Variants in ABCB1 observed in about 807,000 individuals in gnomAD.
ABCB1 encodes the protein ATP binding cassette subfamily B member 1.
A neutral mutation model predicts 142.0 loss-of-function variants in ABCB1; 69 were observed. The ratio of observed to expected loss-of-function variants is 0.49; its 90% CI spans 0.40 to 0.59. The LOEUF (loss-of-function observed/expected upper bound fraction) is 0.59, where lower values mean the gene tolerates loss of function less well. ABCB1 is among the 20% of genes least tolerant of loss of function. The pLI, the probability that ABCB1 is intolerant of heterozygous loss-of-function variation, is 0.00. For missense variants in ABCB1, 1,326 were observed against 1,554.7 expected, an observed-to-expected ratio of 0.85 and a Z score of 2.47; for synonymous variants, 532 against 539.2, an observed-to-expected ratio of 0.99 and a Z score of 0.18.
At chr7:87,657,314 A>G (rs893832242) in intron 1 of ABCB1, among the ~76,000 whole-genome samples, 50 of 152,192 alleles carry the variant, frequency 3.3e-4, no homozygotes, top group Admixed American at 3.1e-3. Flanking sequence ...CCTCTCCACA[A>G]GATACTATTC....
intron 11 of ABCB1, 29 bp downstream of exon 11, chr7:87,550,439 A>T (rs781646220): frequency 6.2e-7 from 1 of 1,605,112 alleles, no homozygotes; most frequent in Non-Finnish European, 8.5e-7. Flanking sequence ...TCAATAGATT[A>T]ATTGTTGATT....
intron 1 of ABCB1, among the ~76,000 whole-genome samples, chr7:87,689,260 A>T (rs1190203629): frequency 6.6e-6 from 1 of 152,112 alleles, no homozygotes; most frequent in African/African-American, 2.4e-5. Flanking sequence ...TCTAACAGAA[A>T]TTGATGATCT....
In ABCB1 at chr7:87,544,881, C is replaced by T. The variant is rs146703713; in HGVS notation, c.2006G>A (p.Arg669His). 7.7e-5 allele frequency: 124 copies of T among 1,613,972 alleles called. No homozygotes were observed. The African/African-American group carries it at 8.5e-4, about 11-fold the overall frequency. ...RSSLIRKRST[R>H]RSVRGSQAQD... ...GGCTTGTGATCCACGGACACTCCTACGAGTTGATCTTTTTCTTATTAGACT... is the reference window on the plus strand; with the variant it reads ...GGCTTGTGATCCACGGACACTCCTATGAGTTGATCTTTTTCTTATTAGACT... Residue 669 changes from arginine (R) to histidine (H), a missense_variant, in exon 16 of 28, where the codon CGT becomes CAT. Coordinates refer to ENST00000622132, the MANE Select transcript of ABCB1 (RefSeq NM_001348946.2).
chr7:87,667,030 G>A (rs1825324567), intron 1 of ABCB1, among the ~76,000 whole-genome samples: 1 of 152,170 alleles, frequency 6.6e-6, no homozygotes, highest in Non-Finnish European at 1.5e-5. Context: ...TGTGAAGAAT[G>A]TCACTGGTAG....
At position 87,663,404 on chromosome 7, in the gene ABCB1, T is replaced by A. The variant is rs1259375223; in HGVS notation, c.-331+49757A>T. On this transcript the variant is annotated intron_variant, in intron 1 of 28. Coordinates refer to the ABCB1 transcript ENST00000265724. ...CCTGTTTTCTCTCTATTTCCATCTA[T>A]CTAGTCAATACTTATTAAGCTTTCC... Among the ~76,000 whole-genome samples the A allele has an allele frequency of 2.6e-5, 4 of 152,164 alleles. No individual in the cohort carries two copies. In the East Asian group the frequency reaches 7.7e-4, roughly 29 times the overall value.
intron 4 of ABCB1, among the ~76,000 whole-genome samples, chr7:87,581,165 C>G (rs1818491713): frequency 1.3e-5 from 2 of 152,158 alleles, no homozygotes; most frequent in Middle Eastern, 6.8e-3. Flanking sequence ...CTATCTTGCC[C>G]AGGCTAGCCT....
chr7:87,626,149 T>TG (rs1491255096), intron 1 of ABCB1, among the ~76,000 whole-genome samples: 2 of 118,536 alleles, frequency 1.7e-5, no homozygotes, highest in East Asian at 3.3e-4. Flanking sequence ...GTCATATATA[T>TG]TGTCATATAT....
chr7:87,560,329 G>A (rs142962354), intron 8 of ABCB1, among the ~76,000 whole-genome samples: 81 of 152,264 alleles, frequency 5.3e-4, no homozygotes, highest in Non-Finnish European at 9.6e-4. Context: ...ATTTATATGT[G>A]TGAATATACC....
intron 1 of ABCB1, chr7:87,627,943 C>G (rs1429109074): frequency 1.3e-5 from 2 of 152,368 alleles, no homozygotes; most frequent in Non-Finnish European, 2.9e-5. Flanking sequence ...CCCCCTCGGG[C>G]CATTGTGTTG....
chr7:87,675,594 C>T (rs1002412915), intron 1 of ABCB1, among the ~76,000 whole-genome samples: 3 of 109,626 alleles, frequency 2.7e-5, no homozygotes, highest in Non-Finnish European at 5.3e-5. Flanking sequence ...CAAGAGTACA[C>T]AATAGGGAAA....
At chr7:87,702,648 A>G (rs1829197251) in intron 1 of ABCB1, among the ~76,000 whole-genome samples, 1 of 152,166 alleles carries the variant, frequency 6.6e-6, no homozygotes, top group Non-Finnish European at 1.5e-5. Flanking sequence ...TTTGGTAGAT[A>G]TAGCCTACAT....
chr7:87,666,136 A>G (rs1250232353), intron 1 of ABCB1, among the ~76,000 whole-genome samples: 3 of 152,064 alleles, frequency 2.0e-5, no homozygotes, highest in African/African-American at 7.2e-5. Context: ...TTTCTCTGCA[A>G]CATCTCCAGC....
intron 27 of ABCB1, among the ~76,000 whole-genome samples, chr7:87,505,006 C>G (rs1814671558): frequency 6.6e-6 from 1 of 151,962 alleles, no homozygotes; most frequent in Non-Finnish European, 1.5e-5. Context: ...ACTCTGTCAC[C>G]AGGGTGGAGT....
intron 1 of ABCB1, among the ~76,000 whole-genome samples, chr7:87,693,160 T>C (rs1468968971): frequency 6.6e-6 from 1 of 152,162 alleles, no homozygotes; most frequent in Non-Finnish European, 1.5e-5. Flanking sequence ...TTTTCCCATA[T>C]TGTTATACTA....
intron 1 of ABCB1, among the ~76,000 whole-genome samples, chr7:87,621,113 A>G (rs1820207463): frequency 6.6e-6 from 1 of 152,198 alleles, no homozygotes; most frequent in African/African-American, 2.4e-5. Context: ...AATTCTAATT[A>G]GAATCCCTAT....
At chr7:87,578,736 C>T (rs1243750128) in intron 4 of ABCB1, among the ~76,000 whole-genome samples, 4 of 146,354 alleles carry the variant, frequency 2.7e-5, no homozygotes, top group Admixed American at 6.9e-5. Context: ...CTCTGTCGCC[C>T]AGGCTGGAGT....
chr7:87,570,374 C>T, intron 4 of ABCB1, 151 bp from the exon 5 acceptor site: 1 of 781,600 alleles, frequency 1.3e-6, no homozygotes, highest in South Asian at 1.5e-5. Flanking sequence ...AGCATTATGG[C>T]ATTCATTCAA....
chr7:87,625,995 T>C (rs1193093998), intron 1 of ABCB1, among the ~76,000 whole-genome samples: 1 of 144,110 alleles, frequency 6.9e-6, no homozygotes, highest in Non-Finnish European at 1.5e-5. Context: ...TATGTACATA[T>C]ATATGTATAT....
intron 20 of ABCB1, among the ~76,000 whole-genome samples, chr7:87,534,873 C>T (rs1322135377): frequency 6.8e-6 from 1 of 146,382 alleles, no homozygotes; most frequent in Non-Finnish European, 1.5e-5. Context: ...TGTAATCATG[C>T]CACTGCAGTC....
Sources: allele counts gnomAD v4.1 joint callset (sites outside exome capture counted in the v4.1 genomes callset), GRCh38; gene constraint gnomAD v4.1.1; transcripts MANE v1.5; gene names NCBI Gene and HGNC (gene_info 2026-07-23, HGNC 2026-07-21).